Variants in CFAP74 observed in about 807,000 individuals in gnomAD.
CFAP74 encodes the protein cilia and flagella associated protein 74, also known as cilia- and flagella-associated protein 74.
Under a neutral mutation model 188.9 loss-of-function variants are expected in CFAP74, and 124 were observed. That is an observed-to-expected ratio of 0.66 (90% CI 0.57 to 0.76). CFAP74 has a LOEUF of 0.76. Ranked by LOEUF, CFAP74 falls within the 30% of genes least tolerant of loss-of-function variation. The probability of loss-of-function intolerance (pLI) is 0.00; values close to 1 mark genes in which losing one functional copy is unlikely to be tolerated. For synonymous variants in CFAP74, 956 were observed against 916.7 expected, an observed-to-expected ratio of 1.04 and a Z score of -0.77; for missense variants, 2,198 against 2,165.2, an observed-to-expected ratio of 1.02 and a Z score of -0.30.
At chr1:1,976,140 G>C (rs953094618) in intron 6 of CFAP74, among the ~76,000 whole-genome samples, 1 of 152,200 alleles carries the variant, frequency 6.6e-6, no homozygotes, top group Admixed American at 6.5e-5. Flanking sequence ...CCCCCACGAG[G>C]GCAGGGCCCC....
intron 1 of CFAP74, among the ~76,000 whole-genome samples, chr1:1,999,371 G>A (rs1658084050): frequency 6.6e-6 from 1 of 152,168 alleles, no homozygotes; most frequent in Non-Finnish European, 1.5e-5. Flanking sequence ...GACTCGTATG[G>A]GAAAAATCAA....
intron 33 of CFAP74, 114 bp downstream of exon 33, chr1:1,925,669 G>T: frequency 1.7e-6 from 2 of 1,178,294 alleles, no homozygotes; most frequent in Non-Finnish European, 2.4e-6. Context: ...GGCCACCTGT[G>T]TCCCCACGGG....
intron 25 of CFAP74, among the ~76,000 whole-genome samples, chr1:1,931,432 T>A (rs138479840): frequency 0.033 from 2,510 of 75,218 alleles, no homozygotes; most frequent in Non-Finnish European, 0.037. Context: ...CCCATCTCAA[T>A]AAAAAAAAAA....
intron 1 of CFAP74, among the ~76,000 whole-genome samples, chr1:2,002,649 A>G (rs553890980): frequency 6.6e-6 from 1 of 151,128 alleles, no homozygotes; most frequent in South Asian, 2.1e-4. Flanking sequence ...CAACCTGGGC[A>G]ACACAGTGAG....
intron 18 of CFAP74, among the ~76,000 whole-genome samples, chr1:1,949,686 C>G (rs963356467): frequency 1.3e-5 from 2 of 152,164 alleles, no homozygotes; most frequent in Admixed American, 6.5e-5. Flanking sequence ...CCCCAGCAAC[C>G]AGTGATCTAT....
chr1:1,944,521 G>T, intron 20 of CFAP74, 69 bp from the exon 21 acceptor site: 1 of 1,491,672 alleles, frequency 6.7e-7, no homozygotes. Flanking sequence ...GGTGAGCACT[G>T]ACACAGCTCC....
At chr1:1,956,842 G>A (rs556043169) in intron 16 of CFAP74, 58 bp from the exon 17 acceptor site, 2 of 1,571,236 alleles carry the variant, frequency 1.3e-6, no homozygotes, top group South Asian at 1.1e-5. Context: ...AGGGTGCCCA[G>A]CGTGAGGCCT....
At chr1:1,992,010 A>C (rs1035079809) in intron 1 of CFAP74, among the ~76,000 whole-genome samples, 2 of 149,010 alleles carry the variant, frequency 1.3e-5, no homozygotes, top group Non-Finnish European at 2.9e-5. Context: ...ACTGCACTCC[A>C]GCCTGGGTGA....
At chr1:1,930,446 G>A in intron 25 of CFAP74, 110 bp from the exon 26 acceptor site, 6 of 1,081,088 alleles carry the variant, frequency 5.5e-6, no homozygotes, top group South Asian at 1.7e-5. Flanking sequence ...GGCTCACAGG[G>A]ACATGCACGT....
rs962572143 is a variant in CFAP74 at position 1,926,170 on chromosome 1, G to C, written c.3948+58C>G. The C allele has an allele frequency of 1.3e-5, 19 of 1,463,752 alleles. No homozygotes were observed. In the African/African-American group the frequency reaches 2.7e-4, roughly 21 times the overall value. 90.7% of individuals were successfully genotyped at this position (1,463,752 alleles called of 1,614,324 possible). A position where few individuals can be genotyped will look rare whatever the true frequency, so the allele number is the denominator to read the frequency against. ...GATGCCCGCCCCGGCCAGTGCCTTT[G>C]TTCTGCAGTGTGGGGAGCCTTGGGC... is the stretch of plus-strand genomic sequence containing the variant. On this transcript the variant is annotated intron_variant, in intron 32 of 38. Coordinates refer to ENST00000682832, the MANE Select transcript of CFAP74 (RefSeq NM_001304360.2).
intron 1 of CFAP74, among the ~76,000 whole-genome samples, chr1:1,994,964 C>T (rs1323834641): frequency 6.6e-6 from 1 of 152,128 alleles, no homozygotes; most frequent in Non-Finnish European, 1.5e-5. Flanking sequence ...CTGGCTGACC[C>T]TCTGCAGGAG....
intron 1 of CFAP74, among the ~76,000 whole-genome samples, chr1:2,001,801 C>T (rs1044157047): frequency 4.6e-5 from 7 of 152,116 alleles, no homozygotes; most frequent in African/African-American, 1.2e-4. Flanking sequence ...CTTTCCTGTC[C>T]GAGACGTGCA....
chr1:1,941,929 G>A (rs1653402613), intron 22 of CFAP74, 99 bp downstream of exon 22: 1 of 1,232,740 alleles, frequency 8.1e-7, no homozygotes, highest in Non-Finnish European at 1.1e-6. Context: ...GATGATCCCG[G>A]CAGCAATGAG....
rs1412784768 is a variant in CFAP74, at chr1:1,923,988, C to T, written c.4235-59G>A. The stretch of plus-strand genomic sequence containing the variant: ...CCACCTGCAATCACTGTCTGCCCTC[C>T]AAGCCTTGCTGCATAGAGCTCTACA... On this transcript the variant is annotated intron_variant, in intron 34 of 38. Coordinates refer to ENST00000682832, the MANE Select transcript of CFAP74 (RefSeq NM_001304360.2). This position sits in a 1 kb window ranked among gnomAD's most constrained non-coding sequence, Gnocchi z 6.3. 5.2e-6 allele frequency: 8 copies of T among 1,551,998 alleles called. No individual in the cohort carries two copies. Among genetic ancestry groups the T allele is most frequent in the Non-Finnish European group, 7.0e-6 (8 of 1,144,362 alleles).
chr1:1,992,392 C>T (rs1657635745), intron 1 of CFAP74, among the ~76,000 whole-genome samples: 1 of 152,078 alleles, frequency 6.6e-6, no homozygotes, highest in South Asian at 2.1e-4. Flanking sequence ...TCTTGAACTC[C>T]TGGTCTCAGC....
At chr1:1,985,240 G>A in intron 6 of CFAP74, 146 bp downstream of exon 6, 1 of 645,726 alleles carries the variant, frequency 1.5e-6, no homozygotes, top group Non-Finnish European at 2.8e-6. Flanking sequence ...TCCAACCACT[G>A]CATTCACCGA....
At position 1,964,925 on chromosome 1, in the gene CFAP74, C is replaced by A. The variant is rs567176840; in HGVS notation, c.1538G>T (p.Arg513Leu). The A allele has an allele frequency of 1.2e-6, 2 of 1,613,856 alleles. No homozygotes were observed. Among genetic ancestry groups the A allele is most frequent in the Non-Finnish European group, 1.7e-6 (2 of 1,179,940 alleles). Residue 513 changes from arginine (R) to leucine (L), a missense_variant, in exon 13 of 39, where the codon CGC (arginine) becomes CTC (leucine). Coordinates refer to ENST00000682832, the MANE Select transcript of CFAP74 (RefSeq NM_001304360.2). ...QVVWGREFQG[R>L]PFNSKPELLH... is the part of the protein sequence containing the mutation. Reference sequence around the variant, plus strand: ...GAGCTCCGGTTTGCTGTTGAAGGGGCGTCCTTGGAACTCACGCCCCCACAC... The same window carrying A: ...GAGCTCCGGTTTGCTGTTGAAGGGGAGTCCTTGGAACTCACGCCCCCACAC...
In CFAP74 at chr1:1,962,345, A is replaced by G. The variant is rs564660925; in HGVS notation, c.1694+1404T>C. Among the ~76,000 whole-genome samples, 184 of 152,080 alleles carry G rather than the reference A, an allele frequency of 1.2e-3. 1 individual carries two copies. The highest frequency in any genetic ancestry group is 4.1e-3 in the African/African-American group (172 of 41,484). ...CAAAAAATTAACCGGACGTGGTGGC[A>G]GGCGCCTGTTATCCGAGCTACTCAG... On this transcript the variant is annotated intron_variant, in intron 14 of 38. Coordinates refer to ENST00000682832, the MANE Select transcript of CFAP74 (RefSeq NM_001304360.2).
At position 1,959,960 on chromosome 1, in the gene CFAP74, T is replaced by C; in HGVS notation, c.1761+4A>G. 6.3e-7 allele frequency: 1 copy of C among 1,586,066 alleles called. No individual in the cohort carries two copies. The highest frequency in any genetic ancestry group is 8.6e-7 in the Non-Finnish European group (1 of 1,167,580). On this transcript the variant is annotated splice_donor_region_variant and intron_variant, in intron 15 of 38. Transcript: ENST00000682832. ...TCGAGAGAGAACGGGCCCCTCTGACTCACCATCGGCTTGAAGGTGACAAGC... is the reference window on the plus strand; with the variant it reads ...TCGAGAGAGAACGGGCCCCTCTGACCCACCATCGGCTTGAAGGTGACAAGC...
Sources: gnomAD v4.1 joint callset for allele counts (sites outside exome capture counted in the v4.1 genomes callset) on GRCh38, gnomAD v4.1.1 for gene constraint, Gnocchi (gnomAD v3.1) non-coding constraint, MANE v1.5 for transcripts, NCBI Gene and HGNC (gene_info 2026-07-23, HGNC 2026-07-21) for gene names.